The following GLIS3 variants were observed in gnomAD, a reference collection of about 807,000 sequenced individuals.
GLIS3 encodes zinc finger protein GLIS3.
Under a neutral mutation model 78.6 loss-of-function variants are expected in GLIS3, and 53 were observed. The observed-to-expected ratio is 0.67, with a 90% CI of 0.54 to 0.85. The LOEUF is 0.85. Ranked by LOEUF, GLIS3 falls within the 40% of genes least tolerant of loss-of-function variation. GLIS3 has a pLI of 0.00. For synonymous variants in GLIS3, 684 were observed against 509.9 expected (o/e 1.34, Z -4.60); for missense variants, 1,703 against 1,231.1 (o/e 1.38, Z -5.74).
At chr9:4,266,009 C>A (rs1177331429) in intron 2 of GLIS3, among the ~76,000 whole-genome samples, 3 of 152,006 alleles carry the variant, frequency 2.0e-5, no homozygotes, top group African/African-American at 7.2e-5. Flanking sequence ...AGCTCCGCCT[C>A]CCAGGTTCAC....
At chr9:3,967,688 T>C (rs1411903491) in intron 4 of GLIS3, among the ~76,000 whole-genome samples, 1 of 152,130 alleles carries the variant, frequency 6.6e-6, no homozygotes, top group African/African-American at 2.4e-5. Flanking sequence ...TACAGTTACA[T>C]GAAGTGACCT....
the GLIS3 span, among the ~76,000 whole-genome samples, chr9:4,478,606 A>G: frequency 1.0e-5 from 1 of 96,146 alleles, no homozygotes; most frequent in African/African-American, 5.7e-5. Flanking sequence ...GATTCCATCT[A>G]AAAAAAAAAA....
intron 2 of GLIS3, among the ~76,000 whole-genome samples, chr9:4,225,089 G>A (rs915018418): frequency 3.3e-5 from 5 of 150,358 alleles, no homozygotes; most frequent in East Asian, 1.9e-4. Flanking sequence ...GCATTATTAC[G>A]GCTGTCTTCA....
At chr9:4,411,898 A>G in the GLIS3 span, among the ~76,000 whole-genome samples, 4 of 152,258 alleles carry the variant, frequency 2.6e-5, no homozygotes, top group South Asian at 2.1e-4. Context: ...TAAAAATACC[A>G]TTTAACATTT....
chr9:4,212,276 C>T (rs912489531), intron 2 of GLIS3, among the ~76,000 whole-genome samples: 5 of 152,246 alleles, frequency 3.3e-5, no homozygotes, highest in Admixed American at 3.3e-4. Context: ...CTAGGTGCTT[C>T]CTCTAATGAT....
chr9:3,870,015 A>G (rs935449362), intron 8 of GLIS3, among the ~76,000 whole-genome samples: 1 of 152,222 alleles, frequency 6.6e-6, no homozygotes, highest in Non-Finnish European at 1.5e-5. Flanking sequence ...ATATAGAAAC[A>G]AAGCCTGAAT....
intron 4 of GLIS3, among the ~76,000 whole-genome samples, chr9:4,029,493 A>T (rs920320970): frequency 6.6e-6 from 1 of 152,170 alleles, no homozygotes; most frequent in African/African-American, 2.4e-5. Context: ...ATGTACAATT[A>T]AATTATTGAC....
chr9:4,258,099 G>A (rs1351676497), intron 2 of GLIS3, among the ~76,000 whole-genome samples: 4 of 152,024 alleles, frequency 2.6e-5, no homozygotes, highest in African/African-American at 7.2e-5. Flanking sequence ...CAGCAGTAGG[G>A]CTAGGGTTAA....
At chr9:4,311,835 T>C (rs1043130963) in intron 2 of GLIS3, among the ~76,000 whole-genome samples, 21 of 152,212 alleles carry the variant, frequency 1.4e-4, no homozygotes, top group African/African-American at 4.8e-4. Context: ...TTAGATGATG[T>C]CTTCATTTTT....
At chr9:4,160,238 G>C (rs541212362) in intron 2 of GLIS3, among the ~76,000 whole-genome samples, 8 of 152,184 alleles carry the variant, frequency 5.3e-5, no homozygotes, top group Non-Finnish European at 1.0e-4. Flanking sequence ...CGAATACCTG[G>C]TTTCATTTCT....
chr9:4,324,457 T>C (rs146110913), intron 2 of GLIS3, among the ~76,000 whole-genome samples: 83 of 152,346 alleles, frequency 5.4e-4, no homozygotes, highest in African/African-American at 1.8e-3. Context: ...TTGAGAACCA[T>C]ATGAGATAAA....
rs115788668 is a variant in GLIS3 at position 4,199,436 on chromosome 9, T to C, written c.389-73495A>G. ...CCTTATATCATATAAAACAGACTTT[T>C]ATAACATATCATATATAAGTTATAT... On this transcript the variant is annotated intron_variant, in intron 2 of 10. Transcript: ENST00000381971. 9.7e-4 allele frequency among the ~76,000 whole-genome samples: 146 copies of C among 150,644 alleles called. 1 individual carries two copies. Among genetic ancestry groups the C allele is most frequent in the African/African-American group, 3.5e-3 (144 of 41,186 alleles).
intron 9 of GLIS3, among the ~76,000 whole-genome samples, chr9:3,845,369 C>G (rs948449373): frequency 9.9e-5 from 15 of 152,108 alleles, no homozygotes. Context: ...TGGGCATATA[C>G]ATAGACACAG....
chr9:4,417,969 G>A, the GLIS3 span, among the ~76,000 whole-genome samples: 4 of 152,152 alleles, frequency 2.6e-5, no homozygotes, highest in Non-Finnish European at 5.9e-5. Flanking sequence ...CTCTTTTTGT[G>A]AGGAAACTTT....
At chr9:3,905,750 G>A (rs1056573355) in intron 6 of GLIS3, among the ~76,000 whole-genome samples, 30 of 152,102 alleles carry the variant, frequency 2.0e-4, no homozygotes, top group African/African-American at 7.2e-4. Context: ...ACTGAACTCA[G>A]TATCCCTTGC....
intron 2 of GLIS3, among the ~76,000 whole-genome samples, chr9:4,271,132 AT>A (rs1312084732): frequency 2.0e-5 from 3 of 152,088 alleles, no homozygotes; most frequent in African/African-American, 7.2e-5. Flanking sequence ...CAGTAAATAT[AT>A]TTTTCTTATT....
chr9:4,336,760 T>C (rs1220095672), intron 2 of GLIS3, among the ~76,000 whole-genome samples: 1 of 152,214 alleles, frequency 6.6e-6, no homozygotes, highest in African/African-American at 2.4e-5. Context: ...CTATACAATT[T>C]GTATATTCCT....
chr9:4,386,643 A>T, the GLIS3 span: 1 of 152,156 alleles, frequency 6.6e-6, no homozygotes, highest in Non-Finnish European at 1.5e-5. Flanking sequence ...CCCGTTACAG[A>T]ATTTTTGGGA....
the GLIS3 span, among the ~76,000 whole-genome samples, chr9:4,405,351 T>A: frequency 1.3e-3 from 173 of 138,242 alleles, no homozygotes; most frequent in African/African-American, 3.7e-3. Context: ...CGAAACTCCA[T>A]CTTAAAAAAA....
Sources: gnomAD v4.1 joint callset for allele counts (sites outside exome capture counted in the v4.1 genomes callset) on GRCh38, gnomAD v4.1.1 for gene constraint, MANE v1.5 for transcripts, NCBI Gene and HGNC (gene_info 2026-07-23, HGNC 2026-07-21) for gene names.